Variants in MACROD2 observed in about 807,000 individuals in gnomAD.
MACROD2 encodes the protein mono-ADP ribosylhydrolase 2, also known as ADP-ribose glycohydrolase MACROD2.
MACROD2 carries 36 observed loss-of-function variants against 70.4 expected under a neutral mutation model. The observed-to-expected ratio is 0.51, with a 90% CI of 0.39 to 0.68. MACROD2 has a LOEUF of 0.68. MACROD2 is among the 30% of genes least tolerant of loss of function. The pLI is 0.00. For synonymous variants in MACROD2, 172 were observed against 178.8 expected (o/e 0.96, Z 0.30); for missense variants, 496 against 538.4 (o/e 0.92, Z 0.78).
intron 8 of MACROD2, among the ~76,000 whole-genome samples, chr20:15,721,538 G>A (rs969618146): frequency 3.3e-5 from 5 of 151,930 alleles, no homozygotes; most frequent in Admixed American, 6.6e-5. Context: ...CAATACCAAC[G>A]TGTCCACAAT....
chr20:15,109,493 C>T (rs780585854), intron 5 of MACROD2, among the ~76,000 whole-genome samples: 2 of 152,090 alleles, frequency 1.3e-5, no homozygotes, highest in African/African-American at 2.4e-5. Flanking sequence ...AAAGAGATGG[C>T]AGGGCTCCTC....
At chr20:15,387,231 G>A (rs1472639293) in intron 6 of MACROD2, among the ~76,000 whole-genome samples, 11 of 152,252 alleles carry the variant, frequency 7.2e-5, no homozygotes, top group Non-Finnish European at 2.9e-5. Context: ...GTTAATGTTA[G>A]CATAGAGCAG....
intron 6 of MACROD2, among the ~76,000 whole-genome samples, chr20:15,238,387 A>G (rs175302): frequency 0.28 from 42,437 of 151,798 alleles, 6,156 homozygotes; most frequent in African/African-American, 0.34. Flanking sequence ...AGTTTTTTCA[A>G]GATCTCATAA....
intron 5 of MACROD2, among the ~76,000 whole-genome samples, chr20:14,700,422 A>T (rs1408723400): frequency 6.6e-6 from 1 of 152,126 alleles, no homozygotes; most frequent in African/African-American, 2.4e-5. Flanking sequence ...AAAGGTAAAA[A>T]AAAGTTCCAC....
intron 3 of MACROD2, among the ~76,000 whole-genome samples, chr20:14,443,249 G>T (rs1056365641): frequency 6.6e-6 from 1 of 151,432 alleles, no homozygotes; most frequent in African/African-American, 2.4e-5. Flanking sequence ...GGTGGGAAAA[G>T]ACCTACCCTT....
At chr20:15,454,166 T>C (rs1453724461) in intron 7 of MACROD2, among the ~76,000 whole-genome samples, 1 of 152,158 alleles carries the variant, frequency 6.6e-6, no homozygotes, top group African/African-American at 2.4e-5. Context: ...GACCAAAGCC[T>C]TTGAATCATT....
intron 8 of MACROD2, among the ~76,000 whole-genome samples, chr20:15,557,451 G>A (rs1363873866): frequency 6.6e-6 from 1 of 152,156 alleles, no homozygotes; most frequent in Non-Finnish European, 1.5e-5. Flanking sequence ...AGAAGAAACA[G>A]CAAACACACA....
At chr20:15,019,066 C>T (rs1440978450) in intron 5 of MACROD2, among the ~76,000 whole-genome samples, 1 of 152,174 alleles carries the variant, frequency 6.6e-6, no homozygotes, top group African/African-American at 2.4e-5. Flanking sequence ...ACAAAACAGA[C>T]TAATACAGAC....
chr20:14,525,559 G>A (rs972394282), intron 4 of MACROD2, among the ~76,000 whole-genome samples: 1 of 152,202 alleles, frequency 6.6e-6, no homozygotes, highest in African/African-American at 2.4e-5. Flanking sequence ...TAAGATTCAT[G>A]CCCAGGCTTG....
intron 5 of MACROD2, among the ~76,000 whole-genome samples, chr20:15,123,736 A>T (rs2076047032): frequency 6.6e-6 from 1 of 152,214 alleles, no homozygotes; most frequent in Admixed American, 6.5e-5. Context: ...TGCTCAAGTC[A>T]GTTTGAATCA....
chr20:15,557,176 G>T (rs1464726653), intron 8 of MACROD2, among the ~76,000 whole-genome samples: 2 of 151,494 alleles, frequency 1.3e-5, no homozygotes, highest in Non-Finnish European at 2.9e-5. Flanking sequence ...CATTCAACGG[G>T]GCACTCCATT....
intron 7 of MACROD2, among the ~76,000 whole-genome samples, chr20:15,465,306 T>C (rs1327742143): frequency 6.6e-6 from 1 of 152,254 alleles, no homozygotes; most frequent in Non-Finnish European, 1.5e-5. Context: ...AACTTTAGAA[T>C]AGTTTTTGAC....
At chr20:14,368,540 C>T (rs1308686244) in intron 3 of MACROD2, among the ~76,000 whole-genome samples, 3 of 150,246 alleles carry the variant, frequency 2.0e-5, no homozygotes, top group African/African-American at 7.3e-5. Context: ...GAGACTCTGT[C>T]TCAAAAAAAA....
intron 3 of MACROD2, among the ~76,000 whole-genome samples, chr20:14,449,779 A>G (rs1189709395): frequency 6.6e-6 from 1 of 152,170 alleles, no homozygotes; most frequent in Non-Finnish European, 1.5e-5. Context: ...TGTCCAAATC[A>G]CATAGCTAGT....
chr20:14,153,324 G>A (rs972243396), intron 3 of MACROD2, among the ~76,000 whole-genome samples: 5 of 152,158 alleles, frequency 3.3e-5, no homozygotes, highest in Non-Finnish European at 5.9e-5. Context: ...CCGTCCTAGT[G>A]GGTGTCAGGT....
At chr20:14,984,334 G>A (rs1487618119) in intron 5 of MACROD2, among the ~76,000 whole-genome samples, 2 of 152,116 alleles carry the variant, frequency 1.3e-5, no homozygotes, top group Non-Finnish European at 2.9e-5. Flanking sequence ...GTGACAAAAG[G>A]CAATAGGTTT....
At chr20:15,382,070 C>A (rs1196997500) in intron 6 of MACROD2, among the ~76,000 whole-genome samples, 1 of 152,120 alleles carries the variant, frequency 6.6e-6, no homozygotes, top group Non-Finnish European at 1.5e-5. Flanking sequence ...GAGTGTACTG[C>A]CAGCTTGTGA....
chr20:15,001,006 A>G (rs1267953383), intron 5 of MACROD2, among the ~76,000 whole-genome samples: 2 of 152,162 alleles, frequency 1.3e-5, no homozygotes, highest in African/African-American at 4.8e-5. Context: ...ATCACACCTT[A>G]GCAAAAGCTG....
At chr20:14,697,683 G>A (rs1005554121) in intron 5 of MACROD2, among the ~76,000 whole-genome samples, 4 of 151,976 alleles carry the variant, frequency 2.6e-5, no homozygotes, top group African/African-American at 4.8e-5. Context: ...ATAAGGGATC[G>A]ATATTTTAAA....
Sources: gnomAD v4.1 joint callset for allele counts (sites outside exome capture counted in the v4.1 genomes callset) on GRCh38, gnomAD v4.1.1 for gene constraint, MANE v1.5 for transcripts, NCBI Gene and HGNC (gene_info 2026-07-23, HGNC 2026-07-21) for gene names.